The following RAPGEF4 variants were observed in gnomAD, a reference collection of about 807,000 sequenced individuals.
The protein encoded by RAPGEF4 is Rap guanine nucleotide exchange factor 4, also known as RAP guanine-nucleotide-exchange factor (GEF) 4.
RAPGEF4 carries 66 observed loss-of-function variants against 147.9 expected under a neutral mutation model. That is an observed-to-expected ratio of 0.45 (90% CI 0.37 to 0.55). RAPGEF4 has a LOEUF of 0.55. RAPGEF4 is among the 20% of genes least tolerant of loss of function. The pLI is 0.00. For missense variants in RAPGEF4, 1,071 were observed against 1,257.3 expected, an observed-to-expected ratio of 0.85 and a Z score of 2.24; for synonymous variants, 419 against 442.7, an observed-to-expected ratio of 0.95 and a Z score of 0.67.
At chr2:172,921,294 G>T (rs967865856) in intron 5 of RAPGEF4, among the ~76,000 whole-genome samples, 2 of 151,936 alleles carry the variant, frequency 1.3e-5, no homozygotes, top group African/African-American at 4.8e-5. Context: ...CACCATGTCG[G>T]CCAGGCTGCT....
intron 4 of RAPGEF4, among the ~76,000 whole-genome samples, chr2:172,833,265 T>G (rs1038478144): frequency 2.0e-5 from 3 of 151,222 alleles, no homozygotes; most frequent in African/African-American, 7.3e-5. Context: ...TTTGGGTTTT[T>G]TTTTTTTTTT....
At chr2:172,853,508 T>A (rs531471539) in intron 4 of RAPGEF4, among the ~76,000 whole-genome samples, 1 of 152,108 alleles carries the variant, frequency 6.6e-6, no homozygotes, top group African/African-American at 2.4e-5. Flanking sequence ...TTTTAATGTT[T>A]TTGTTGACTT....
intron 4 of RAPGEF4, among the ~76,000 whole-genome samples, chr2:172,902,372 G>A (rs1055157748): frequency 1.3e-5 from 2 of 151,878 alleles, no homozygotes; most frequent in South Asian, 2.1e-4. Context: ...GCATGACCTC[G>A]GCTCACTGCA....
intron 4 of RAPGEF4, chr2:172,859,956 C>A (rs749491526): frequency 3.4e-6 from 3 of 876,206 alleles, no homozygotes; most frequent in Non-Finnish European, 4.1e-6. Context: ...AATCCTTGTC[C>A]GGGAGTGACT....
At chr2:172,892,764 C>T (rs956296428) in intron 4 of RAPGEF4, among the ~76,000 whole-genome samples, 1 of 152,176 alleles carries the variant, frequency 6.6e-6, no homozygotes, top group African/African-American at 2.4e-5. Context: ...TGGGATTGGT[C>T]ATCTCCCAAA....
rs939505159 is a variant in RAPGEF4, at chr2:173,042,411, A to G, written c.2853+5719A>G. Among the ~76,000 whole-genome samples, 1 of 152,156 alleles carries G rather than the reference A, an allele frequency of 6.6e-6. No homozygotes were observed. Among genetic ancestry groups the G allele is most frequent in the Non-Finnish European group, 1.5e-5 (1 of 68,024 alleles). On this transcript the variant is annotated intron_variant, in intron 29 of 30. Transcript: ENST00000397081. The surrounding 1 kb of genome is among the most constrained non-coding windows in gnomAD (Gnocchi z 4.2). ...CACTTTGGGAGACTGAGGCGGGTGG[A>G]TCATGGGGTCAGGAGTTCAAGACCA...
chr2:172,908,245 G>C (rs1214155774), intron 4 of RAPGEF4, among the ~76,000 whole-genome samples: 1 of 152,170 alleles, frequency 6.6e-6, no homozygotes, highest in Non-Finnish European at 1.5e-5. Context: ...TAATATAAAA[G>C]TATAAAAATA....
intron 1 of RAPGEF4, among the ~76,000 whole-genome samples, chr2:172,789,637 C>G (rs1360946453): frequency 6.6e-6 from 1 of 152,178 alleles, no homozygotes; most frequent in East Asian, 1.9e-4. Flanking sequence ...TCACTCCAGT[C>G]CCTGGTAGCC....
chr2:172,893,355 G>A (rs767619612), intron 4 of RAPGEF4, among the ~76,000 whole-genome samples: 87 of 152,328 alleles, frequency 5.7e-4, no homozygotes, highest in Non-Finnish European at 8.7e-4. Context: ...CTTAGAATCA[G>A]GAGATGAAAG....
chr2:172,750,820 T>G (rs1167050669), intron 1 of RAPGEF4, among the ~76,000 whole-genome samples: 1 of 152,236 alleles, frequency 6.6e-6, no homozygotes, highest in Non-Finnish European at 1.5e-5. Context: ...TTTTGCCTGT[T>G]AAAAAAGTCA....
intron 3 of RAPGEF4, among the ~76,000 whole-genome samples, chr2:172,809,149 C>T (rs1687779739): frequency 6.6e-6 from 1 of 152,052 alleles, no homozygotes; most frequent in Non-Finnish European, 1.5e-5. Context: ...CAGCACTGGG[C>T]AGGAGGGGCA....
intron 9 of RAPGEF4, chr2:172,967,060 G>T (rs1411395546): frequency 7.5e-6 from 4 of 532,216 alleles, no homozygotes; most frequent in Admixed American, 3.3e-5. Flanking sequence ...GGGTCAGAGA[G>T]GGCTGTGGTG....
At chr2:172,818,698 C>T (rs946737610) in intron 4 of RAPGEF4, among the ~76,000 whole-genome samples, 1 of 152,160 alleles carries the variant, frequency 6.6e-6, no homozygotes, top group Non-Finnish European at 1.5e-5. Flanking sequence ...AAATTATGGT[C>T]CCTAATCACT....
intron 10 of RAPGEF4, among the ~76,000 whole-genome samples, chr2:172,979,991 TG>T (rs1553540854): frequency 1.3e-5 from 2 of 152,172 alleles, no homozygotes; most frequent in Non-Finnish European, 2.9e-5. Context: ...CACTCCAGCC[TG>T]GGCAAGAAAG....
chr2:172,763,915 C>G (rs909364107), intron 1 of RAPGEF4, among the ~76,000 whole-genome samples: 5 of 152,018 alleles, frequency 3.3e-5, no homozygotes, highest in African/African-American at 1.2e-4. Context: ...AAGAAAGGGA[C>G]TCTGTATGCA....
intron 4 of RAPGEF4, among the ~76,000 whole-genome samples, chr2:172,836,795 CA>C (rs1288299291): frequency 6.6e-6 from 1 of 152,230 alleles, no homozygotes; most frequent in Non-Finnish European, 1.5e-5. Context: ...GTGCTTTCAA[CA>C]ACCCAAAGTG....
At chr2:172,964,092 C>G (rs952552039) in intron 8 of RAPGEF4, among the ~76,000 whole-genome samples, 7 of 152,140 alleles carry the variant, frequency 4.6e-5, no homozygotes, top group African/African-American at 1.7e-4. Context: ...TGTATTTTTA[C>G]ATGATTTTTA....
chr2:172,757,162 A>C (rs1002649879), intron 1 of RAPGEF4, among the ~76,000 whole-genome samples: 1 of 152,244 alleles, frequency 6.6e-6, no homozygotes. Flanking sequence ...CAGTGTAGCT[A>C]TTTTCAGTGA....
chr2:172,855,028 T>C (rs986957112), intron 4 of RAPGEF4, among the ~76,000 whole-genome samples: 1 of 152,148 alleles, frequency 6.6e-6, no homozygotes, highest in Non-Finnish European at 1.5e-5. Flanking sequence ...TCACAGTAGA[T>C]CTAAAAATCA....
Sources: allele counts gnomAD v4.1 joint callset (sites outside exome capture counted in the v4.1 genomes callset), GRCh38; gene constraint gnomAD v4.1.1; non-coding constraint Gnocchi (gnomAD v3.1); transcripts MANE v1.5; gene names NCBI Gene and HGNC (gene_info 2026-07-23, HGNC 2026-07-21).